The following JAK2 variants were observed in gnomAD, a reference collection of about 807,000 sequenced individuals.
The protein encoded by JAK2 is Janus kinase 2.
In JAK2, 86 loss-of-function variants were observed where a neutral mutation model predicts 139.3. That is an observed-to-expected ratio of 0.62 (90% CI 0.52 to 0.74). The LOEUF is 0.74. Among genes scored for constraint, JAK2 ranks in the 30% least tolerant of loss-of-function variants. The probability of loss-of-function intolerance (pLI) is 0.00; values close to 1 mark genes in which losing one functional copy is unlikely to be tolerated. For missense variants in JAK2, 1,421 were observed against 1,360.3 expected (o/e 1.04, Z -0.70); for synonymous variants, 490 against 437.7 (o/e 1.12, Z -1.49).
intron 19 of JAK2, among the ~76,000 whole-genome samples, chr9:5,083,851 C>T (rs757930520): frequency 5.9e-5 from 9 of 152,120 alleles, no homozygotes; most frequent in Non-Finnish European, 8.8e-5. Context: ...AATGAAGATA[C>T]GTTCCATTTG....
At position 5,064,947 on chromosome 9, in the gene JAK2, G is replaced by C. The variant is rs2130492302; in HGVS notation, c.1121G>C (p.Arg374Thr). Residue 374 changes from arginine (R) to threonine (T), a missense_variant, in exon 9 of 25, where the codon AGA becomes ACA. Physicochemically the swap from Arg to Thr is moderately conservative, Grantham distance 71. Transcript: ENST00000381652. ...GTGTCATTAATTGATGGATATTATA[G>C]ATTAACTGCAGATGCACATCATTAC... ...SFVSLIDGYY[R>T]LTADAHHYLC... 6.2e-7 allele frequency: 1 copy of C among 1,605,480 alleles called. No homozygotes were observed. Among genetic ancestry groups the C allele is most frequent in the Non-Finnish European group, 8.5e-7 (1 of 1,174,560 alleles).
intron 6 of JAK2, among the ~76,000 whole-genome samples, chr9:5,051,153 A>G (rs532329669): frequency 3.9e-5 from 6 of 152,248 alleles, no homozygotes; most frequent in African/African-American, 1.4e-4. Context: ...TAGTCAACCT[A>G]TAATAAAAAA....
At chr9:5,115,835 C>G (rs1823113639) in intron 22 of JAK2, among the ~76,000 whole-genome samples, 1 of 152,110 alleles carries the variant, frequency 6.6e-6, no homozygotes, top group Non-Finnish European at 1.5e-5. Context: ...CTTGTTCTCG[C>G]TGATAAGTGG....
At chr9:5,071,052 G>A (rs1276915156) in intron 12 of JAK2, among the ~76,000 whole-genome samples, 3 of 152,164 alleles carry the variant, frequency 2.0e-5, no homozygotes, top group African/African-American at 4.8e-5. Context: ...CGCTTCTGGT[G>A]AGGAAAAGGA....
At position 5,088,919 on chromosome 9, in the gene JAK2, C is replaced by T. The variant is rs935363003; in HGVS notation, c.2572-755C>T. Among the ~76,000 whole-genome samples the T allele has an allele frequency of 3.9e-5, 6 of 152,288 alleles. No homozygotes were observed. In the East Asian group the frequency reaches 9.6e-4, roughly 24 times the overall value. On this transcript the variant is annotated intron_variant, in intron 19 of 24. Transcript: ENST00000381652. ...ACAGTCATATTGGGGGTTAAGGCTT[C>T]ATTATATAAATTTTGGGTAAGGGGT...
chr9:5,038,957 C>G (rs951425258), intron 4 of JAK2, among the ~76,000 whole-genome samples: 1 of 152,000 alleles, frequency 6.6e-6, no homozygotes, highest in African/African-American at 2.4e-5. Context: ...AATCCAGCAT[C>G]CCATCATTAT....
chr9:5,033,419 A>G (rs1021900714), intron 4 of JAK2, among the ~76,000 whole-genome samples: 3 of 152,184 alleles, frequency 2.0e-5, no homozygotes, highest in Non-Finnish European at 4.4e-5. Context: ...GAGAAGAGCA[A>G]CTCCAACACA....
chr9:5,009,889 G>A (rs1317228696), intron 2 of JAK2, among the ~76,000 whole-genome samples: 1 of 151,764 alleles, frequency 6.6e-6, no homozygotes, highest in Non-Finnish European at 1.5e-5. Context: ...TCCCATTTCA[G>A]CCTCCCAAGT....
chr9:5,107,870 G>A (rs1402937970), intron 22 of JAK2: 1 of 152,040 alleles, frequency 6.6e-6, no homozygotes, highest in Non-Finnish European at 1.5e-5. Context: ...TGCCTTATTA[G>A]TTTCAATCTC....
At chr9:5,091,952 G>A in intron 22 of JAK2, among the ~76,000 whole-genome samples, 1 of 152,054 alleles carries the variant, frequency 6.6e-6, no homozygotes, top group East Asian at 1.9e-4. Flanking sequence ...GGATGAAGTA[G>A]GGATAATACT....
At position 5,078,046 on chromosome 9, in the gene JAK2, G is replaced by C. The variant is rs12005893; in HGVS notation, c.1993-260G>C. 0.083 allele frequency among the ~76,000 whole-genome samples: 12,708 copies of C among 152,198 alleles called. 1,640 individuals carry two copies. The highest frequency in any genetic ancestry group is 0.28 in the African/African-American group (11,629 of 41,500). ...GCTCCCATCCAGAAACACAAACCAT[G>C]TCAGCCTTAGAACTCATGTGAAATG... On this transcript the variant is annotated intron_variant, in intron 15 of 24. Transcript: ENST00000381652.
intron 3 of JAK2, among the ~76,000 whole-genome samples, chr9:5,025,847 C>G (rs1453371979): frequency 6.6e-6 from 1 of 152,160 alleles, no homozygotes; most frequent in Non-Finnish European, 1.5e-5. Flanking sequence ...GGTTATAGTT[C>G]TGTTGAAGTT....
intron 2 of JAK2, among the ~76,000 whole-genome samples, chr9:5,009,320 A>C (rs768038884): frequency 5.9e-5 from 9 of 152,234 alleles, no homozygotes; most frequent in Non-Finnish European, 8.8e-5. Context: ...TAAAGCCGTG[A>C]AGAATATCCA....
chr9:5,104,142 A>G (rs1821760174), intron 22 of JAK2, among the ~76,000 whole-genome samples: 1 of 152,316 alleles, frequency 6.6e-6, no homozygotes, highest in South Asian at 2.1e-4. Context: ...TTTCAAAAAG[A>G]TCAACAAAAT....
chr9:4,996,023 A>G (rs1297915628), intron 2 of JAK2, among the ~76,000 whole-genome samples: 1 of 152,172 alleles, frequency 6.6e-6, no homozygotes, highest in Non-Finnish European at 1.5e-5. Flanking sequence ...TCATTTCATA[A>G]TGGCAATCCA....
At chr9:5,046,526 A>G (rs986266852) in intron 5 of JAK2, among the ~76,000 whole-genome samples, 2 of 152,116 alleles carry the variant, frequency 1.3e-5, no homozygotes, top group African/African-American at 2.4e-5. Context: ...GAGTTTTATC[A>G]TTTTAGCTCT....
intron 19 of JAK2, among the ~76,000 whole-genome samples, chr9:5,088,506 T>A (rs539184131): frequency 9.9e-5 from 15 of 151,278 alleles, no homozygotes; most frequent in Non-Finnish European, 1.8e-4. Context: ...TTAATGAGTT[T>A]TAGGTAAAAA....
At chr9:5,037,822 G>C (rs529497236) in intron 4 of JAK2, among the ~76,000 whole-genome samples, 1 of 152,140 alleles carries the variant, frequency 6.6e-6, no homozygotes, top group African/African-American at 2.4e-5. Flanking sequence ...TAACCTGCAT[G>C]TTGTGCACAT....
At chr9:5,078,911 C>T (rs1216221075) in intron 16 of JAK2, among the ~76,000 whole-genome samples, 1 of 152,106 alleles carries the variant, frequency 6.6e-6, no homozygotes. Flanking sequence ...TTCATCTTTA[C>T]TACTTAACAC....
Sources: allele counts gnomAD v4.1 joint callset (sites outside exome capture counted in the v4.1 genomes callset), GRCh38; gene constraint gnomAD v4.1.1; transcripts MANE v1.5; gene names NCBI Gene and HGNC (gene_info 2026-07-23, HGNC 2026-07-21).